Variants in MCF2 observed in about 807,000 individuals in gnomAD.
MCF2 encodes the protein proto-oncogene DBL.
In MCF2, 44 loss-of-function variants were observed where a neutral mutation model predicts 82.5. The ratio of observed to expected loss-of-function variants is 0.53; its 90% CI spans 0.42 to 0.69. The LOEUF is 0.69. Among genes scored for constraint, MCF2 ranks in the 30% least tolerant of loss-of-function variants. The probability of loss-of-function intolerance (pLI) is 0.00; values close to 1 mark genes in which losing one functional copy is unlikely to be tolerated. For synonymous variants in MCF2, 217 were observed against 224.9 expected (o/e 0.96, Z 0.32); for missense variants, 623 against 663.1 (o/e 0.94, Z 0.66).
At chrX:139,601,946 T>A (rs936504419) in intron 16 of MCF2, among the ~76,000 whole-genome samples, 3 of 110,378 alleles carry the variant, frequency 2.7e-5, no homozygotes, top group African/African-American at 9.9e-5. Context: ...AACAGAAGGG[T>A]AGGAAAAGCA....
chrX:139,592,043 A>G, intron 19 of MCF2, among the ~76,000 whole-genome samples: 1 of 111,185 alleles, frequency 9.0e-6, no homozygotes, highest in Middle Eastern at 4.6e-3. Context: ...CTGGAATCTC[A>G]TGATAAGCAG....
chrX:139,621,232 A>G (rs1264912589), intron 6 of MCF2, among the ~76,000 whole-genome samples: 2 of 111,860 alleles, frequency 1.8e-5, no homozygotes, highest in African/African-American at 6.5e-5. Flanking sequence ...CAAGACCTCA[A>G]TATACAAGAA....
rs1218492801 is a variant in MCF2 at position 139,589,826 on chromosome X, A to G, written c.2370+9T>C. 4.3e-6 allele frequency: 5 copies of G among 1,162,592 alleles called. No individual in the cohort carries two copies. In the African/African-American group the frequency reaches 9.1e-5, roughly 21 times the overall value. Reference sequence around the variant, plus strand: ...TTTGGGTTTCTAGAAGAATTTTCAAATGACCAACCTGGACAATATAAACTT... The same window carrying G: ...TTTGGGTTTCTAGAAGAATTTTCAAGTGACCAACCTGGACAATATAAACTT... On this transcript the variant is annotated intron_variant, in intron 20 of 24. Coordinates refer to ENST00000370576, the Ensembl canonical transcript of MCF2.
chrX:139,644,270 A>G (rs191558055), upstream of MCF2, among the ~76,000 whole-genome samples: 10 of 112,278 alleles, frequency 8.9e-5, no homozygotes, highest in East Asian at 2.8e-3. Flanking sequence ...TTACTTGGCT[A>G]TTTGAGCTTG....
intron 10 of MCF2, among the ~76,000 whole-genome samples, chrX:139,611,793 C>CCTA (rs1931514820): frequency 2.7e-5 from 3 of 110,715 alleles, no homozygotes; most frequent in South Asian, 7.7e-4. Flanking sequence ...CCTAAGCAAA[C>CCTA]AGGGGTGCAG....
chrX:139,637,674 T>C (rs1430056844), intron 1 of MCF2, among the ~76,000 whole-genome samples: 1 of 111,787 alleles, frequency 8.9e-6, no homozygotes, highest in Non-Finnish European at 1.9e-5. Flanking sequence ...AGTATTTACA[T>C]GCAGTAGGTT....
intron 4 of MCF2, among the ~76,000 whole-genome samples, chrX:139,629,440 C>G (rs1287600703): frequency 1.8e-5 from 2 of 112,136 alleles, no homozygotes; most frequent in Middle Eastern, 4.7e-3. Flanking sequence ...GACTATATTT[C>G]TTTTTCTGCA....
chrX:139,684,199 A>G (rs925684521), intron 1 of MCF2, among the ~76,000 whole-genome samples: 1 of 112,754 alleles, frequency 8.9e-6, no homozygotes, highest in African/African-American at 3.2e-5. Flanking sequence ...CAAAGAAGAT[A>G]TATAAATGGC....
At chrX:139,613,050 A>G (rs1931618848) in intron 10 of MCF2, among the ~76,000 whole-genome samples, 166 bp downstream of exon 14, 1 of 111,995 alleles carries the variant, frequency 8.9e-6, no homozygotes, top group African/African-American at 3.2e-5. Context: ...ACATAAGCAT[A>G]ATACAAAGAG....
chrX:139,658,699 A>G (rs1361977493), intron 1 of MCF2, among the ~76,000 whole-genome samples: 17 of 87,931 alleles, frequency 1.9e-4, no homozygotes, highest in Non-Finnish European at 3.2e-4. Flanking sequence ...TTTTGAGACA[A>G]GGTCTCACTC....
chrX:139,636,153 TA>T (rs1283276124), intron 1 of MCF2, among the ~76,000 whole-genome samples: 1 of 111,476 alleles, frequency 9.0e-6, no homozygotes, highest in Non-Finnish European at 1.9e-5. Context: ...GGGATATGGA[TA>T]AAGGCTAGCT....
chrX:139,586,469 A>G, exon 23 of MCF2: 2 of 1,199,842 alleles, frequency 1.7e-6, no homozygotes, highest in African/African-American at 3.5e-5. Flanking sequence ...CAGTACTTAT[A>G]AAAGCTCCCT....
At chrX:139,686,813 A>C (rs2055045927) in intron 1 of MCF2, among the ~76,000 whole-genome samples, 1 of 111,645 alleles carries the variant, frequency 9.0e-6, no homozygotes, top group Non-Finnish European at 1.9e-5. Flanking sequence ...GCCATCATTA[A>C]TGCTAATAGC....
At chrX:139,622,548 C>T (rs1932469263) in intron 6 of MCF2, among the ~76,000 whole-genome samples, 1 of 111,308 alleles carries the variant, frequency 9.0e-6, no homozygotes, top group African/African-American at 3.3e-5. Context: ...TACTATGCAG[C>T]CATAAAATAT....
chrX:139,624,248 C>A (rs1367142979), intron 6 of MCF2, among the ~76,000 whole-genome samples: 2 of 111,354 alleles, frequency 1.8e-5, no homozygotes, highest in Non-Finnish European at 3.8e-5. Flanking sequence ...TCAAAAGGGA[C>A]TATGGCTGGG....
chrX:139,585,052 A>G lies in MCF2; in HGVS notation c.2745+14T>C, dbSNP rs1743655580. 1.8e-6 allele frequency: 2 copies of G among 1,097,749 alleles called. No homozygotes were observed. Among genetic ancestry groups the G allele is most frequent in the Non-Finnish European group, 1.2e-6 (1 of 800,874 alleles). The allele number at this position is 1,097,749 out of a possible 1,213,427, so 90.5% of individuals were successfully genotyped here. A position where few individuals can be genotyped will look rare whatever the true frequency, so the allele number is the denominator to read the frequency against. ...ACTGCCTCAATAATTTTAATTTACT[A>G]TATTATTACTAACCATGAGGGGCCT... is the stretch of plus-strand genomic sequence containing the variant. On this transcript the variant is annotated intron_variant, in intron 24 of 24. Transcript: ENST00000370576.
intron 1 of MCF2, chrX:139,691,963 T>G: frequency 8.6e-7 from 1 of 1,166,279 alleles, no homozygotes; most frequent in African/African-American, 1.8e-5. Context: ...TTCCCGTACT[T>G]CTCGGCAATC....
intron 6 of MCF2, among the ~76,000 whole-genome samples, chrX:139,621,250 A>G (rs1932331669): frequency 8.9e-6 from 1 of 111,809 alleles, no homozygotes; most frequent in African/African-American, 3.2e-5. Flanking sequence ...GAATCTTGGG[A>G]GAAAAGCTAG....
intron 2 of MCF2, among the ~76,000 whole-genome samples, chrX:139,649,276 G>A (rs1383629441): frequency 8.9e-6 from 1 of 111,748 alleles, no homozygotes; most frequent in Admixed American, 9.5e-5. Context: ...AGAGTAGAGT[G>A]AAAATAATCA....
Sources: allele counts gnomAD v4.1 joint callset (sites outside exome capture counted in the v4.1 genomes callset), GRCh38; gene constraint gnomAD v4.1.1; transcripts MANE v1.5; gene names NCBI Gene and HGNC (gene_info 2026-07-23, HGNC 2026-07-21).